The following CNTLN variants were observed in gnomAD, a reference collection of about 807,000 sequenced individuals.
The protein encoded by CNTLN is centlein, also known as centlein, centrosomal protein.
In CNTLN, 212 loss-of-function variants were observed where a neutral mutation model predicts 180.0. The observed-to-expected ratio is 1.18, with a 90% CI of 1.05 to 1.32. The LOEUF (loss-of-function observed/expected upper bound fraction) is 1.32, where lower values mean the gene tolerates loss of function less well. Ranked by LOEUF, CNTLN falls within the 40% of genes most tolerant of loss-of-function variation. The probability of loss-of-function intolerance (pLI) is 0.00; values close to 1 mark genes in which losing one functional copy is unlikely to be tolerated. For synonymous variants in CNTLN, 722 were observed against 563.1 expected (o/e 1.28, Z -3.99); for missense variants, 2,095 against 1,610.9 (o/e 1.30, Z -5.14).
intron 2 of CNTLN, among the ~76,000 whole-genome samples, chr9:17,159,415 C>T (rs1292784304): frequency 2.0e-5 from 3 of 152,120 alleles, no homozygotes; most frequent in Non-Finnish European, 4.4e-5. Context: ...GAGCTGATTG[C>T]TTAGTGGAAG....
chr9:17,379,282 G>A (rs529545338), intron 13 of CNTLN, among the ~76,000 whole-genome samples: 34 of 151,846 alleles, frequency 2.2e-4, no homozygotes, highest in Admixed American at 4.6e-4. Context: ...CTTAAACTTG[G>A]GTAGTTTCCT....
At chr9:17,482,176 T>C (rs1832683170) in intron 23 of CNTLN, among the ~76,000 whole-genome samples, 1 of 152,088 alleles carries the variant, frequency 6.6e-6, no homozygotes, top group Non-Finnish European at 1.5e-5. Flanking sequence ...GAAAACATGA[T>C]GGACAACTAA....
chr9:17,390,021 C>A (rs1825972964), intron 14 of CNTLN, among the ~76,000 whole-genome samples: 1 of 152,018 alleles, frequency 6.6e-6, no homozygotes, highest in Admixed American at 6.6e-5. Context: ...GAAAAGATAG[C>A]CATTTACAAG....
At chr9:17,439,756 T>G (rs927559962) in intron 18 of CNTLN, among the ~76,000 whole-genome samples, 1 of 152,178 alleles carries the variant, frequency 6.6e-6, no homozygotes, top group African/African-American at 2.4e-5. Flanking sequence ...TAGGGTTACA[T>G]TAGTTCATGA....
chr9:17,257,233 A>G (rs201363569), intron 5 of CNTLN, among the ~76,000 whole-genome samples: 2 of 150,572 alleles, frequency 1.3e-5, no homozygotes, highest in Non-Finnish European at 3.0e-5. Flanking sequence ...GGTGTTTGGT[A>G]TTTTGTTCTT....
At chr9:17,377,159 A>G (rs1035550320) in intron 13 of CNTLN, among the ~76,000 whole-genome samples, 2 of 152,322 alleles carry the variant, frequency 1.3e-5, no homozygotes, top group African/African-American at 4.8e-5. Context: ...GTCTCTCTAT[A>G]TAACGAATTC....
chr9:17,291,804 C>T (rs1829430288), intron 6 of CNTLN, among the ~76,000 whole-genome samples: 1 of 152,158 alleles, frequency 6.6e-6, no homozygotes, highest in African/African-American at 2.4e-5. Context: ...AGCCCATTTA[C>T]ATTTAAGGTT....
chr9:17,226,197 A>T lies in CNTLN; in HGVS notation c.450-6A>T, dbSNP rs1359948048. On this transcript the variant is annotated splice_polypyrimidine_tract_variant and splice_region_variant and intron_variant, in intron 2 of 25. Transcript: ENST00000380647. ...GACTAATAAACTCTCTATATTTTAT[A>T]TCTAGAGAAAAACAGAAATCTGAAG... 1.3e-6 allele frequency: 2 copies of T among 1,502,382 alleles called. No individual in the cohort carries two copies. Among genetic ancestry groups the T allele is most frequent in the Non-Finnish European group, 1.8e-6 (2 of 1,102,698 alleles). The allele number at this position is 1,502,382 out of a possible 1,614,324, so 93.1% of individuals were successfully genotyped here. A position where few individuals can be genotyped will look rare whatever the true frequency, so the allele number is the denominator to read the frequency against.
intron 5 of CNTLN, among the ~76,000 whole-genome samples, chr9:17,261,515 T>C (rs1444994474): frequency 2.0e-5 from 3 of 151,574 alleles, no homozygotes; most frequent in African/African-American, 7.3e-5. Context: ...TTTTTGTGCA[T>C]TGATTTTTGT....
chr9:17,216,439 A>G (rs1197686166), intron 2 of CNTLN, among the ~76,000 whole-genome samples: 1 of 152,148 alleles, frequency 6.6e-6, no homozygotes, highest in Admixed American at 6.5e-5. Flanking sequence ...TTAGAATGGT[A>G]AAAGGGAATA....
intron 5 of CNTLN, among the ~76,000 whole-genome samples, chr9:17,254,953 A>G (rs921664751): frequency 2.0e-5 from 3 of 151,600 alleles, no homozygotes; most frequent in Non-Finnish European, 4.4e-5. Context: ...TGTCCTCTAT[A>G]ATTTCTGTTA....
chr9:17,445,600 C>G (rs1006180049), intron 18 of CNTLN, among the ~76,000 whole-genome samples: 2 of 152,150 alleles, frequency 1.3e-5, no homozygotes, highest in African/African-American at 4.8e-5. Flanking sequence ...GCAGCATGCT[C>G]CTTGAGAGTC....
chr9:17,477,380 A>G (rs1468872223), intron 23 of CNTLN, among the ~76,000 whole-genome samples: 1 of 152,194 alleles, frequency 6.6e-6, no homozygotes, highest in Non-Finnish European at 1.5e-5. Context: ...TATTTAAGAA[A>G]TACATTTCAC....
intron 2 of CNTLN, among the ~76,000 whole-genome samples, chr9:17,207,422 A>G (rs1823000763): frequency 6.6e-6 from 1 of 152,054 alleles, no homozygotes; most frequent in Admixed American, 6.6e-5. Flanking sequence ...TCCTGCAGCT[A>G]GCTCGGTGTC....
intron 6 of CNTLN, among the ~76,000 whole-genome samples, chr9:17,288,300 C>A (rs1829126671): frequency 8.6e-6 from 1 of 116,550 alleles, no homozygotes; most frequent in Non-Finnish European, 1.7e-5. Context: ...TGTTCAGTTT[C>A]CATGTAGTTG....
chr9:17,312,627 T>A (rs889450193), intron 8 of CNTLN, among the ~76,000 whole-genome samples: 9 of 147,766 alleles, frequency 6.1e-5, no homozygotes, highest in Non-Finnish European at 8.9e-5. Flanking sequence ...ACAATCTCGA[T>A]CTCCTGGCCT....
At chr9:17,312,064 A>T (rs1276145111) in intron 8 of CNTLN, among the ~76,000 whole-genome samples, 1 of 152,040 alleles carries the variant, frequency 6.6e-6, no homozygotes, top group Non-Finnish European at 1.5e-5. Context: ...TTTTGAAATG[A>T]GGGTAATGTA....
chr9:17,342,528 C>T (rs1821566050), intron 12 of CNTLN, 84 bp downstream of exon 12: 4 of 1,206,260 alleles, frequency 3.3e-6, no homozygotes, highest in Admixed American at 2.8e-5. Flanking sequence ...TAAAGAAACA[C>T]TTTATAAAAT....
chr9:17,240,767 A>C (rs1205473920), intron 5 of CNTLN, among the ~76,000 whole-genome samples: 2 of 152,018 alleles, frequency 1.3e-5, no homozygotes, highest in Admixed American at 1.3e-4. Context: ...CCATGTGTAC[A>C]TTTTTACTTT....
Sources: allele counts gnomAD v4.1 joint callset (sites outside exome capture counted in the v4.1 genomes callset), GRCh38; gene constraint gnomAD v4.1.1; transcripts MANE v1.5; gene names NCBI Gene and HGNC (gene_info 2026-07-23, HGNC 2026-07-21).